GATA4: variants seen among roughly 807,000 people sequenced by gnomAD.
GATA4 encodes the protein GATA binding protein 4, also known as transcription factor GATA-4.
GATA4 carries 7 observed loss-of-function variants against 37.9 expected under a neutral mutation model. The ratio of observed to expected loss-of-function variants is 0.18; its 90% CI spans 0.11 to 0.35. The LOEUF (loss-of-function observed/expected upper bound fraction) is 0.35. Ranked by LOEUF, GATA4 falls within the 10% of genes least tolerant of loss-of-function variation. The pLI, the probability that GATA4 is intolerant of heterozygous loss-of-function variation, is 1.00. For missense variants in GATA4, 647 were observed against 653.0 expected, an observed-to-expected ratio of 0.99 and a Z score of 0.10; for synonymous variants, 372 against 292.6, an observed-to-expected ratio of 1.27 and a Z score of -2.77.
At chr8:11,738,702 A>G (rs1372219877) in intron 2 of GATA4, among the ~76,000 whole-genome samples, 1 of 152,226 alleles carries the variant, frequency 6.6e-6, no homozygotes, top group African/African-American at 2.4e-5. Context: ...ACTTTTGATA[A>G]GATATTGCCA....
chr8:11,723,384 A>G (rs902067248), intron 2 of GATA4, among the ~76,000 whole-genome samples: 4 of 152,020 alleles, frequency 2.6e-5, no homozygotes, highest in African/African-American at 9.7e-5. Context: ...AACAAGCATG[A>G]TGTGTTTCTA....
chr8:11,721,205 CA>C (rs939245973), intron 2 of GATA4, among the ~76,000 whole-genome samples: 2 of 151,210 alleles, frequency 1.3e-5, no homozygotes, highest in African/African-American at 4.9e-5. Context: ...CGCCTGAAGT[CA>C]AGGCCAGGCT....
chr8:11,693,616 A>C (rs1200817138), intron 1 of GATA4, among the ~76,000 whole-genome samples: 1 of 147,368 alleles, frequency 6.8e-6, no homozygotes, highest in Non-Finnish European at 1.5e-5. Context: ...ATTCAGCACA[A>C]CCGGTGCATT....
chr8:11,711,191 G>C (rs1351953655), intron 2 of GATA4, among the ~76,000 whole-genome samples: 2 of 152,224 alleles, frequency 1.3e-5, no homozygotes, highest in Non-Finnish European at 2.9e-5. Context: ...AGAGGTTGCT[G>C]ATGAAGTGAT....
chr8:11,694,136 C>T (rs879333702), intron 1 of GATA4, among the ~76,000 whole-genome samples: 15 of 152,196 alleles, frequency 9.9e-5, no homozygotes, highest in Admixed American at 2.0e-4. Context: ...CGCTTTTGTT[C>T]TCCGGTTTGC....
chr8:11,710,220 C>A (rs1200972105), intron 2 of GATA4, among the ~76,000 whole-genome samples: 2 of 152,262 alleles, frequency 1.3e-5, no homozygotes, highest in South Asian at 4.1e-4. Flanking sequence ...GGCGCCGAGG[C>A]CCGGTCTGTG....
intron 1 of GATA4, chr8:11,680,645 G>T (rs1030428939): frequency 4.1e-6 from 4 of 985,282 alleles, no homozygotes; most frequent in Non-Finnish European, 4.8e-6. Flanking sequence ...GGCGCTGCTG[G>T]GAACGTGTCT....
chr8:11,745,411 C>A (rs1440524046), intron 2 of GATA4, among the ~76,000 whole-genome samples: 8 of 104,042 alleles, frequency 7.7e-5, no homozygotes, highest in African/African-American at 1.4e-4. Flanking sequence ...TTGTCTCTAC[C>A]AAAAAAAAAA....
rs913720874 is a variant in GATA4 at position 11,709,578 on chromosome 8, G to A, written c.616+650G>A. Among the ~76,000 whole-genome samples the A allele has an allele frequency of 1.9e-4, 22 of 115,480 alleles. No homozygotes were observed. The highest frequency in any genetic ancestry group is 3.2e-4 in the Non-Finnish European group (19 of 60,144). 75.8% of individuals were successfully genotyped at this position (115,480 alleles called of 152,430 possible). A position where few individuals can be genotyped will look rare whatever the true frequency, so the allele number is the denominator to read the frequency against. ...CGTGGGCGCATCATGCGGGCAGCGG[G>A]GGGGGGGGCGCACACGCCCGGTCAG... On this transcript the variant is annotated intron_variant, in intron 2 of 6. Transcript: ENST00000532059. This position sits in a 1 kb window ranked among gnomAD's most constrained non-coding sequence, Gnocchi z 4.3.
chr8:11,693,546 CACACACACACACACACAGAGAG>C (rs1563190369), intron 1 of GATA4, among the ~76,000 whole-genome samples: 2 of 115,010 alleles, frequency 1.7e-5, no homozygotes, highest in African/African-American at 6.7e-5. Context: ...CACACACACA[CACACACACACACACACAGAGAG>C]AGAGAGAGAG....
At chr8:11,704,815 G>A (rs1219290383) in intron 1 of GATA4, among the ~76,000 whole-genome samples, 1 of 152,212 alleles carries the variant, frequency 6.6e-6, no homozygotes, top group African/African-American at 2.4e-5. Context: ...TCTGAGGTGC[G>A]GAGAGGCTGC....
intron 4 of GATA4, among the ~76,000 whole-genome samples, chr8:11,752,363 C>T (rs184977982): frequency 1.0e-3 from 152 of 152,292 alleles, no homozygotes; most frequent in Admixed American, 3.2e-3. Context: ...AGTTCCACAT[C>T]GCTGGGGAGG....
At chr8:11,679,182 G>GC (rs1352605854) in intron 1 of GATA4, among the ~76,000 whole-genome samples, 1 of 149,076 alleles carries the variant, frequency 6.7e-6, no homozygotes, top group South Asian at 2.2e-4. Context: ...ATAATTGCGG[G>GC]GGGGGGCACT....
At chr8:11,710,141 G>T (rs1800108431) in intron 2 of GATA4, among the ~76,000 whole-genome samples, 1 of 152,144 alleles carries the variant, frequency 6.6e-6, no homozygotes, top group Admixed American at 6.5e-5. Context: ...CTGGCCCTGG[G>T]TGGCCAGGGA....
intron 1 of GATA4, among the ~76,000 whole-genome samples, chr8:11,704,729 C>T (rs1036780010): frequency 4.6e-5 from 7 of 152,250 alleles, no homozygotes; most frequent in African/African-American, 1.7e-4. Context: ...AGGCTTGTCG[C>T]CCACCAGCGA....
chr8:11,718,538 G>A lies in GATA4; in HGVS notation c.616+9610G>A, dbSNP rs570781494. ...GTTACAGATATATTTTATTTTGGAG[G>A]ATAAAAAATCAAGAAGTTACTACCA... On this transcript the variant is annotated intron_variant, in intron 2 of 6. Coordinates refer to ENST00000532059, the MANE Select transcript of GATA4 (RefSeq NM_001308093.3). Among the ~76,000 whole-genome samples the A allele has an allele frequency of 5.9e-5, 9 of 152,238 alleles. No homozygotes were observed. In the East Asian group the frequency reaches 1.3e-3, roughly 23 times the overall value.
upstream of GATA4, among the ~76,000 whole-genome samples, chr8:11,702,404 T>G (rs1799707016): frequency 6.6e-6 from 1 of 151,434 alleles, no homozygotes; most frequent in African/African-American, 2.4e-5. This position sits in a 1 kb window ranked among gnomAD's most constrained non-coding sequence, Gnocchi z 4.4. Flanking sequence ...AAGCCCAGAT[T>G]TTCCACTCTC....
rs943493000 is a variant in GATA4, at chr8:11,709,966, G to A, written c.616+1038G>A. On this transcript the variant is annotated intron_variant, in intron 2 of 6. Transcript: ENST00000532059. The surrounding 1 kb of genome is among the most constrained non-coding windows in gnomAD (Gnocchi z 4.3). ...GAGCCCACCCTGTGGGGGAGGGGAA[G>A]CCCAGGCTTGAGAAGCAAAGCTCGC... Among the ~76,000 whole-genome samples, 2 of 152,216 alleles carry A rather than the reference G, an allele frequency of 1.3e-5. No individual in the cohort carries two copies. The highest frequency in any genetic ancestry group is 3.9e-4 in the East Asian group (2 of 5,184).
At chr8:11,690,750 ACTC>A (rs1194326783), upstream of GATA4, among the ~76,000 whole-genome samples, 1 of 151,986 alleles carries the variant, frequency 6.6e-6, no homozygotes, top group Non-Finnish European at 1.5e-5. Context: ...GCGCACCTGT[ACTC>A]CTCGCTACTC....
Sources: allele counts gnomAD v4.1 joint callset (sites outside exome capture counted in the v4.1 genomes callset), GRCh38; gene constraint gnomAD v4.1.1; non-coding constraint Gnocchi (gnomAD v3.1); transcripts MANE v1.5; gene names NCBI Gene and HGNC (gene_info 2026-07-23, HGNC 2026-07-21).